Variants in TPRG1 observed in about 807,000 individuals in gnomAD.
TPRG1 encodes tumor protein p63 regulated 1, also known as tumor protein p63-regulated gene 1 protein.
In TPRG1, 29 loss-of-function variants were observed where a neutral mutation model predicts 29.3. The ratio of observed to expected loss-of-function variants is 0.99; its 90% CI spans 0.74 to 1.35. The LOEUF (loss-of-function observed/expected upper bound fraction) is 1.35. TPRG1 is among the 40% of genes most tolerant of loss of function. The pLI is 0.00. For synonymous variants in TPRG1, 130 were observed against 116.8 expected (o/e 1.11, Z -0.73); for missense variants, 327 against 335.0 (o/e 0.98, Z 0.19).
chr3:189,106,604 G>A (rs1451391769), intron 1 of TPRG1, among the ~76,000 whole-genome samples: 3 of 152,106 alleles, frequency 2.0e-5, no homozygotes, highest in African/African-American at 7.2e-5. Context: ...TGGCAGAGAG[G>A]CTGGTTTGTG....
chr3:189,026,662 G>GAA (rs1433763830), intron 4 of TPRG1, among the ~76,000 whole-genome samples: 4 of 152,220 alleles, frequency 2.6e-5, no homozygotes, highest in African/African-American at 9.6e-5. Flanking sequence ...ATATTAGTTA[G>GAA]AAAAGACATA....
intron 4 of TPRG1, among the ~76,000 whole-genome samples, chr3:189,024,244 A>T (rs1226666024): frequency 6.6e-6 from 1 of 152,098 alleles, no homozygotes; most frequent in African/African-American, 2.4e-5. Flanking sequence ...GGAGGAATGG[A>T]TCAGGGTCCC....
intron 3 of TPRG1, among the ~76,000 whole-genome samples, chr3:189,017,280 C>T (rs958849536): frequency 2.6e-5 from 4 of 151,264 alleles, no homozygotes; most frequent in African/African-American, 9.7e-5. Context: ...GCACATTGTG[C>T]AGGTTAGTTA....
At chr3:189,196,326 A>G (rs1001846853) in intron 1 of TPRG1, among the ~76,000 whole-genome samples, 3 of 152,132 alleles carry the variant, frequency 2.0e-5, no homozygotes, top group Non-Finnish European at 4.4e-5. Context: ...GTAGTGTGCT[A>G]TTTCTTGACT....
chr3:189,228,589 CAAAAA>C (rs929440986), intron 3 of TPRG1, among the ~76,000 whole-genome samples: 2 of 151,882 alleles, frequency 1.3e-5, no homozygotes, highest in Non-Finnish European at 2.9e-5. Flanking sequence ...ATGATAAAAA[CAAAAA>C]AGAGGAAAAC....
intron 3 of TPRG1, among the ~76,000 whole-genome samples, chr3:189,022,653 T>C (rs1002562967): frequency 1.2e-4 from 19 of 152,284 alleles, no homozygotes; most frequent in Admixed American, 3.9e-4. Flanking sequence ...GACAGGGACA[T>C]TTAAGTCTGC....
At chr3:189,318,060 G>A (rs1723833760) in intron 5 of TPRG1, among the ~76,000 whole-genome samples, 1 of 152,142 alleles carries the variant, frequency 6.6e-6, no homozygotes, top group Admixed American at 6.6e-5. Context: ...CTGTCCAGCA[G>A]CGTGACTTCT....
At position 189,103,240 on chromosome 3, in the gene TPRG1, T is replaced by C. The variant is rs1388015041; in HGVS notation, c.-744+3036T>C. Among the ~76,000 whole-genome samples, 3 of 152,222 alleles carry C rather than the reference T, an allele frequency of 2.0e-5. No homozygotes were observed. In the South Asian group the frequency reaches 6.2e-4, roughly 32 times the overall value. The stretch of plus-strand genomic sequence containing the variant: ...ATTCAGTGTGCTCTATGGCTGATTT[T>C]GGATAAAAAGAGCAGAGTTTAATTG... On this transcript the variant is annotated intron_variant, in intron 1 of 6. Transcript: ENST00000412373.
intron 4 of TPRG1, among the ~76,000 whole-genome samples, chr3:189,053,371 C>T (rs1443177676): frequency 6.6e-6 from 1 of 152,184 alleles, no homozygotes; most frequent in Non-Finnish European, 1.5e-5. Flanking sequence ...AATTGACCCT[C>T]CCAGTCTTGA....
At chr3:189,014,244 A>G (rs1421529209) in intron 3 of TPRG1, among the ~76,000 whole-genome samples, 1 of 152,080 alleles carries the variant, frequency 6.6e-6, no homozygotes, top group Non-Finnish European at 1.5e-5. Flanking sequence ...ACAGGATCTT[A>G]TTTATTTCTC....
intron 4 of TPRG1, among the ~76,000 whole-genome samples, chr3:189,049,194 C>T (rs768355938): frequency 1.3e-5 from 2 of 152,184 alleles, no homozygotes; most frequent in African/African-American, 2.4e-5. Flanking sequence ...GGCACAGGCA[C>T]GGAAGAACTA....
At chr3:189,151,347 C>A (rs957532911) in intron 5 of TPRG1, among the ~76,000 whole-genome samples, 6 of 152,082 alleles carry the variant, frequency 3.9e-5, no homozygotes, top group African/African-American at 2.4e-5. Context: ...GCTGATATCC[C>A]AGCAACAGTC....
chr3:189,239,068 T>G, intron 4 of TPRG1, 159 bp downstream of exon 4: 1 of 563,384 alleles, frequency 1.8e-6, no homozygotes, highest in Non-Finnish European at 3.0e-6. Flanking sequence ...TCCTACTCTA[T>G]GTCAGCCTCC....
intron 5 of TPRG1, among the ~76,000 whole-genome samples, chr3:189,159,591 G>A (rs1306889595): frequency 3.9e-5 from 6 of 152,110 alleles, no homozygotes; most frequent in Non-Finnish European, 8.8e-5. Flanking sequence ...TGCTGATGAT[G>A]TTATTTTTGT....
At chr3:189,063,397 A>G (rs184794503) in intron 4 of TPRG1, among the ~76,000 whole-genome samples, 135 of 152,250 alleles carry the variant, frequency 8.9e-4, no homozygotes, top group Admixed American at 7.8e-3. Context: ...GATATGAACC[A>G]CACAATTATT....
chr3:189,261,222 C>T (rs1361777310), intron 4 of TPRG1, among the ~76,000 whole-genome samples: 2 of 152,026 alleles, frequency 1.3e-5, no homozygotes, highest in Non-Finnish European at 2.9e-5. Flanking sequence ...ATGTTCATTA[C>T]TTTTTTGTTG....
intron 2 of TPRG1, among the ~76,000 whole-genome samples, chr3:189,214,269 A>G (rs900580708): frequency 6.6e-6 from 1 of 152,260 alleles, no homozygotes; most frequent in Non-Finnish European, 1.5e-5. Context: ...TCTGAAAAAT[A>G]TTAGTCTCAC....
chr3:189,253,940 A>G (rs1218778472), intron 4 of TPRG1, among the ~76,000 whole-genome samples: 3 of 152,024 alleles, frequency 2.0e-5, no homozygotes, highest in Non-Finnish European at 2.9e-5. Context: ...CCACTTTTTG[A>G]TGGGGTTGTT....
At chr3:189,108,358 A>C (rs536448367) in intron 1 of TPRG1, among the ~76,000 whole-genome samples, 145 of 152,274 alleles carry the variant, frequency 9.5e-4, no homozygotes, top group African/African-American at 3.4e-3. Flanking sequence ...GCTAGAAAGA[A>C]AATGTTTTAA....
Sources: allele counts gnomAD v4.1 joint callset (sites outside exome capture counted in the v4.1 genomes callset), GRCh38; gene constraint gnomAD v4.1.1; transcripts MANE v1.5; gene names NCBI Gene and HGNC (gene_info 2026-07-23, HGNC 2026-07-21).